The following ATP1A1 variants were observed in gnomAD, a reference collection of about 807,000 sequenced individuals.
The protein encoded by ATP1A1 is ATPase Na+/K+ transporting subunit alpha 1, also known as sodium/potassium-transporting ATPase subunit alpha-1.
In ATP1A1, 14 loss-of-function variants were observed where a neutral mutation model predicts 114.8. The ratio of observed to expected loss-of-function variants is 0.12; its 90% confidence interval spans 0.08 to 0.19. ATP1A1 has a LOEUF of 0.19. Ranked by LOEUF, ATP1A1 falls within the 10% of genes least tolerant of loss-of-function variation. The pLI, the probability that ATP1A1 is intolerant of heterozygous loss-of-function variation, is 1.00. For synonymous variants in ATP1A1, 471 were observed against 466.3 expected (o/e 1.01, Z -0.13); for missense variants, 524 against 1,290.7 (o/e 0.41, Z 9.10).
rs1478298819 is a variant in ATP1A1 at position 116,395,812 on chromosome 1, C to T, written c.1836+527C>T. On this transcript the variant is annotated intron_variant, in intron 13 of 22. Coordinates refer to ENST00000295598, the MANE Select transcript of ATP1A1 (RefSeq NM_000701.8). The surrounding 1 kb of genome is among the most constrained non-coding windows in gnomAD (Gnocchi z 6.4). Reference sequence around the variant, plus strand: ...TATTGCCCAGGCTGGAATGTCATAGCACGATCTCGGCTCACTGCAACCTCC... The same window carrying T: ...TATTGCCCAGGCTGGAATGTCATAGTACGATCTCGGCTCACTGCAACCTCC... Among the ~76,000 whole-genome samples the T allele has an allele frequency of 1.3e-5, 2 of 152,146 alleles. No individual in the cohort carries two copies. Among genetic ancestry groups the T allele is most frequent in the African/African-American group, 4.8e-5 (2 of 41,424 alleles).
At chr1:116,383,938 A>T in intron 1 of ATP1A1, 76 bp from the exon 2 acceptor site, 2 of 1,264,428 alleles carry the variant, frequency 1.6e-6, no homozygotes, top group Non-Finnish European at 2.3e-6. Context: ...AACTACCAAA[A>T]TCCCCTGCTC....
At chr1:116,374,142 C>G (rs1403955811) in intron 1 of ATP1A1, 4 of 1,548,006 alleles carry the variant, frequency 2.6e-6, no homozygotes, top group Admixed American at 2.0e-5. Flanking sequence ...GGCGGCCGCC[C>G]TCCCCCAAAG....
intron 1 of ATP1A1, among the ~76,000 whole-genome samples, chr1:116,377,416 C>G (rs1651447703): frequency 6.6e-6 from 1 of 152,182 alleles, no homozygotes; most frequent in Non-Finnish European, 1.5e-5. Context: ...GTTTTTCTTT[C>G]ACCATGAGAA....
chr1:116,395,307 G>C lies in ATP1A1; in HGVS notation c.1836+22G>C, dbSNP rs764970787. The C allele has an allele frequency of 6.2e-7, 1 of 1,611,594 alleles. No individual in the cohort carries two copies. On this transcript the variant is annotated intron_variant, in intron 13 of 22. Transcript: ENST00000295598. The surrounding 1 kb of genome is among the most constrained non-coding windows in gnomAD (Gnocchi z 6.4). ...TAAGGTAGTGCCCAGGCGCCTCCTT[G>C]GCTTCATCTCTTAGTGCCTTGGGAC... is the stretch of plus-strand genomic sequence containing the variant.
Position 116,387,192 on chromosome 1 carries a change from C to CT in ATP1A1, c.184-94dup. 7.0e-7 allele frequency: 1 copy of CT among 1,419,008 alleles called. No homozygotes were observed. Among genetic ancestry groups the CT allele is most frequent in the Non-Finnish European group, 9.7e-7 (1 of 1,032,010 alleles). The allele number at this position is 1,419,008 out of a possible 1,614,324, so 87.9% of individuals were successfully genotyped here. On this transcript the variant is annotated intron_variant, in intron 3 of 22. Coordinates refer to ENST00000295598, the MANE Select transcript of ATP1A1 (RefSeq NM_000701.8). This position sits in a 1 kb window ranked among gnomAD's most constrained non-coding sequence, Gnocchi z 6.7. ...CTAGCTTGGGACATTTTGTTTCTTC[C>CT]TTAAATCCTTATTGCAACCGTCCAG...
intron 10 of ATP1A1, among the ~76,000 whole-genome samples, chr1:116,391,979 T>C (rs1652505014): frequency 6.6e-6 from 1 of 152,232 alleles, no homozygotes; most frequent in South Asian, 2.1e-4. Flanking sequence ...TTTATTAAAA[T>C]AAGTGGCTTT....
rs948849964 is a variant in ATP1A1, at chr1:116,389,970, C to T, written c.1024-243C>T. The T allele has an allele frequency of 4.5e-6, 3 of 668,264 alleles. No individual in the cohort carries two copies. The African/African-American group carries it at 5.4e-5, about 12-fold the overall frequency. The allele number at this position is 668,264 out of a possible 1,614,324, so 41.4% of individuals were successfully genotyped here. On this transcript the variant is annotated intron_variant, in intron 8 of 22. Coordinates refer to ENST00000295598, the MANE Select transcript of ATP1A1 (RefSeq NM_000701.8). The surrounding 1 kb of genome is among the most constrained non-coding windows in gnomAD (Gnocchi z 6.9). ...CAGTGCAGTGGAGAAAGGAGAAGAA[C>T]TTGGGATCAAGTAGGGGGATAGAAT...
chr1:116,373,943 TCTC>T (rs1651174566), intron 1 of ATP1A1: 14 of 1,339,374 alleles, frequency 1.0e-5, no homozygotes, highest in Non-Finnish European at 9.5e-6. Flanking sequence ...GTCACCTCCT[TCTC>T]CTTCCTTTTC....
chr1:116,390,657 G>A (rs971968579), intron 9 of ATP1A1, 125 bp from the exon 10 acceptor site: 4 of 919,782 alleles, frequency 4.3e-6, no homozygotes, highest in East Asian at 2.4e-5. Context: ...AATGTGATTG[G>A]TTTCATTAAT....
At chr1:116,379,695 T>G (rs1327431573) in intron 1 of ATP1A1, among the ~76,000 whole-genome samples, 1 of 152,236 alleles carries the variant, frequency 6.6e-6, no homozygotes, top group Non-Finnish European at 1.5e-5. Context: ...CAGTAATGTA[T>G]ATGTTAATTA....
At position 116,389,618 on chromosome 1, in the gene ATP1A1, A is replaced by C; in HGVS notation, c.934A>C (p.Ile312Leu). The change falls in exon 8 of 23, where the codon ATC becomes CTC. Residue 312 changes from isoleucine (I) to leucine (L), a missense_variant. Ile to Leu is a conservative substitution (Grantham distance 5). Coordinates refer to ENST00000295598, the MANE Select transcript of ATP1A1 (RefSeq NM_000701.8). The surrounding 1 kb of genome is among the most constrained non-coding windows in gnomAD (Gnocchi z 6.9). ...TGTGTCTTTCTTCATCCTTTCTCTC[A>C]TCCTTGAGTACACCTGGCTTGAGGC... ...LGVSFFILSL[I>L]LEYTWLEAVI... 1 of 1,614,018 alleles carries C rather than the reference A, an allele frequency of 6.2e-7. No individual in the cohort carries two copies. The highest frequency in any genetic ancestry group is 8.5e-7 in the Non-Finnish European group (1 of 1,180,004).
rs759625415 is a variant in ATP1A1, at chr1:116,399,045, G to C, written c.2409G>C (p.Gly803=). The C allele has an allele frequency of 6.2e-7, 1 of 1,614,154 alleles. No homozygotes were observed. Among genetic ancestry groups the C allele is most frequent in the Admixed American group, 1.7e-5 (1 of 60,020 alleles). The change falls in exon 17 of 23, where the codon GGG becomes GGC. Residue 803 remains glycine (G), a synonymous_variant. Coordinates refer to ENST00000295598, the MANE Select transcript of ATP1A1 (RefSeq NM_000701.8). This position sits in a 1 kb window ranked among gnomAD's most constrained non-coding sequence, Gnocchi z 5.0. ...FIIANIPLPL[G]TVTILCIDLG... Reference sequence around the variant, plus strand: ...TTGCAAACATTCCACTACCACTGGGGACTGTCACCATCCTCTGCATTGACT... The same window carrying C: ...TTGCAAACATTCCACTACCACTGGGCACTGTCACCATCCTCTGCATTGACT...
Position 116,388,970 on chromosome 1 carries a change from C to A in ATP1A1, c.705C>A (p.Asn235Lys). The A allele has an allele frequency of 6.2e-7, 1 of 1,614,152 alleles. No homozygotes were observed. Among genetic ancestry groups the A allele is most frequent in the East Asian group, 2.2e-5 (1 of 44,888 alleles). ...QTRSPDFTNE[N>K]PLETRNIAFF... ...GGTCTCCAGATTTCACAAATGAAAA[C>A]CCCCTGGAGACGAGGAACATTGCCT... The change falls in exon 7 of 23, where the codon AAC (asparagine) becomes AAA (lysine). Residue 235 changes from asparagine to lysine, a missense_variant. By Grantham distance (94) the Asn-to-Lys change is moderately conservative. Around this residue, in one of 8 missense-constraint regions of ATP1A1, gnomAD observed 141 missense variants for 316.6 expected, o/e 0.45. Coordinates refer to ENST00000295598, the MANE Select transcript of ATP1A1 (RefSeq NM_000701.8). The surrounding 1 kb of genome is among the most constrained non-coding windows in gnomAD (Gnocchi z 5.6).
intron 1 of ATP1A1, among the ~76,000 whole-genome samples, chr1:116,379,578 CTG>C (rs945408861): frequency 2.6e-5 from 4 of 152,168 alleles, no homozygotes; most frequent in Non-Finnish European, 4.4e-5. Context: ...CATTTCTTGA[CTG>C]TTATTTTCTT....
Position 116,385,739 on chromosome 1 carries a change from T to A in ATP1A1, c.183+897T>A, listed in dbSNP as rs1481302985. ...TTTCTGATTTTCCAGGTAGATAGTGTTGGAATTGAATTGGAGGAAACCTTG... is the reference window on the plus strand; with the variant it reads ...TTTCTGATTTTCCAGGTAGATAGTGATGGAATTGAATTGGAGGAAACCTTG... On this transcript the variant is annotated intron_variant, in intron 3 of 22. Coordinates refer to ENST00000295598, the MANE Select transcript of ATP1A1 (RefSeq NM_000701.8). This position sits in a 1 kb window ranked among gnomAD's most constrained non-coding sequence, Gnocchi z 4.3. The A allele has an allele frequency of 6.6e-6, 1 of 152,092 alleles. No homozygotes were observed. Among genetic ancestry groups the A allele is most frequent in the Non-Finnish European group, 1.5e-5 (1 of 68,028 alleles). 9.4% of individuals were successfully genotyped at this position (152,092 alleles called of 1,614,324 possible). A position where few individuals can be genotyped will look rare whatever the true frequency, so the allele number is the denominator to read the frequency against.
Position 116,401,440 on chromosome 1 carries a change from T to G in ATP1A1, c.2850-114T>G. The G allele has an allele frequency of 1.4e-6, 2 of 1,428,428 alleles. No individual in the cohort carries two copies. Among genetic ancestry groups the G allele is most frequent in the Non-Finnish European group, 1.9e-6 (2 of 1,039,406 alleles). 88.5% of individuals were successfully genotyped at this position (1,428,428 alleles called of 1,614,324 possible). A position where few individuals can be genotyped will look rare whatever the true frequency, so the allele number is the denominator to read the frequency against. On this transcript the variant is annotated intron_variant, in intron 20 of 22. Coordinates refer to ENST00000295598, the MANE Select transcript of ATP1A1 (RefSeq NM_000701.8). The surrounding 1 kb of genome is among the most constrained non-coding windows in gnomAD (Gnocchi z 4.7). ...CTAGTTTTTTCATCTGACCTCCAAG[T>G]TTTCAAGTACAGCTAATACATAAAG...
chr1:116,399,136 T>G lies in ATP1A1; in HGVS notation c.2448+52T>G. The stretch of plus-strand genomic sequence containing the variant: ...ATAGTAGTGAGGTGTGAGCTGTGTC[T>G]TCATTCACTGGCACTATGCTCCCAG... On this transcript the variant is annotated intron_variant, in intron 17 of 22. Coordinates refer to ENST00000295598, the MANE Select transcript of ATP1A1 (RefSeq NM_000701.8). This position sits in a 1 kb window ranked among gnomAD's most constrained non-coding sequence, Gnocchi z 5.0. The G allele has an allele frequency of 6.2e-7, 1 of 1,607,840 alleles. No individual in the cohort carries two copies. Among genetic ancestry groups the G allele is most frequent in the Non-Finnish European group, 8.5e-7 (1 of 1,175,014 alleles).
chr1:116,389,750 A>G lies in ATP1A1; in HGVS notation c.1023+43A>G. The stretch of plus-strand genomic sequence containing the variant: ...GTCACCCTGACTCAGATCAGCTTGC[A>G]CGAATGTTACACTCTTCCGCTATCC... On this transcript the variant is annotated intron_variant, in intron 8 of 22. Transcript: ENST00000295598. The surrounding 1 kb of genome is among the most constrained non-coding windows in gnomAD (Gnocchi z 6.9). The G allele has an allele frequency of 6.2e-7, 1 of 1,610,188 alleles. No homozygotes were observed. Among genetic ancestry groups the G allele is most frequent in the Non-Finnish European group, 8.5e-7 (1 of 1,177,128 alleles).
intron 13 of ATP1A1, 109 bp from the exon 14 acceptor site, chr1:116,396,489 G>T: frequency 7.4e-7 from 1 of 1,350,044 alleles, no homozygotes; most frequent in Non-Finnish European, 1.0e-6. Flanking sequence ...CTTTCCTTTT[G>T]ATAGTCTAAG....
Sources: gnomAD v4.1 joint callset for allele counts (sites outside exome capture counted in the v4.1 genomes callset) on GRCh38, gnomAD v4.1.1 for gene constraint, gnomAD v4.1.1 regional missense constraint, Gnocchi (gnomAD v3.1) non-coding constraint, MANE v1.5 for transcripts, NCBI Gene and HGNC (gene_info 2026-07-23, HGNC 2026-07-21) for gene names.